RBFOX1: variants seen among roughly 807,000 people sequenced by gnomAD.
RBFOX1 encodes RNA binding fox-1 homolog 1.
A neutral mutation model predicts 57.7 loss-of-function variants in RBFOX1; 8 were observed. That is an observed-to-expected ratio of 0.14 (90% CI 0.08 to 0.25). RBFOX1 has a LOEUF of 0.25. RBFOX1 is among the 10% of genes least tolerant of loss of function. The probability of loss-of-function intolerance (pLI) is 1.00; values close to 1 mark genes in which losing one functional copy is unlikely to be tolerated. For missense variants in RBFOX1, 611 were observed against 548.5 expected, an observed-to-expected ratio of 1.11 and a Z score of -1.14; for synonymous variants, 326 against 222.4, an observed-to-expected ratio of 1.47 and a Z score of -4.15.
At chr16:6,765,165 T>C (rs1259913020) in intron 3 of RBFOX1, among the ~76,000 whole-genome samples, 1 of 152,060 alleles carries the variant, frequency 6.6e-6, no homozygotes, top group Non-Finnish European at 1.5e-5. Flanking sequence ...TTACCTTGCA[T>C]GAGGCTCTGA....
At chr16:6,912,344 T>C (rs1321949239) in intron 3 of RBFOX1, among the ~76,000 whole-genome samples, 2 of 152,100 alleles carry the variant, frequency 1.3e-5, no homozygotes, top group African/African-American at 4.8e-5. Flanking sequence ...TTTACACTTC[T>C]AGCAAGTTCC....
chr16:5,673,486 A>G (rs1433761744), intron 3 of RBFOX1, among the ~76,000 whole-genome samples: 1 of 152,146 alleles, frequency 6.6e-6, no homozygotes, highest in Non-Finnish European at 1.5e-5. Flanking sequence ...CTCACAGTCC[A>G]TTTCCATGTT....
chr16:5,924,328 C>G (rs1036313166), intron 4 of RBFOX1, among the ~76,000 whole-genome samples: 1 of 152,146 alleles, frequency 6.6e-6, no homozygotes, highest in Non-Finnish European at 1.5e-5. Context: ...CCCCTCCAAA[C>G]CTCATGTTAA....
At position 7,510,321 on chromosome 16, in the gene RBFOX1, G is replaced by C. The variant is rs531457430; in HGVS notation, c.28-7826G>C. Reference sequence around the variant, plus strand: ...GCAGGATGGTGCAGCAGGTATTTTTGTTTTTTTTTCCATTTAATCTTTCAC... The same window carrying C: ...GCAGGATGGTGCAGCAGGTATTTTTCTTTTTTTTTCCATTTAATCTTTCAC... On this transcript the variant is annotated intron_variant, in intron 4 of 15. Transcript: ENST00000550418. The C allele has an allele frequency of 1.6e-5, 16 of 979,440 alleles. No homozygotes were observed. In the South Asian group the frequency reaches 7.6e-4, roughly 46 times the overall value. The allele number at this position is 979,440 out of a possible 1,614,324, so 60.7% of individuals were successfully genotyped here. A position where few individuals can be genotyped will look rare whatever the true frequency, so the allele number is the denominator to read the frequency against.
At chr16:6,673,823 G>C (rs1018491371) in intron 3 of RBFOX1, among the ~76,000 whole-genome samples, 2 of 152,112 alleles carry the variant, frequency 1.3e-5, no homozygotes, top group African/African-American at 2.4e-5. Flanking sequence ...GACAGAGAAT[G>C]ATAGCCAAGA....
At chr16:6,752,362 C>T (rs962827848) in intron 3 of RBFOX1, among the ~76,000 whole-genome samples, 1 of 152,186 alleles carries the variant, frequency 6.6e-6, no homozygotes, top group African/African-American at 2.4e-5. Flanking sequence ...AATTAATATG[C>T]TGTGTCCATA....
intron 1 of RBFOX1, among the ~76,000 whole-genome samples, chr16:6,053,137 C>T (rs2095573682): frequency 6.6e-6 from 1 of 152,158 alleles, no homozygotes; most frequent in Non-Finnish European, 1.5e-5. Flanking sequence ...ACCTTACACA[C>T]AGTGAGGCCT....
chr16:5,856,202 T>TATATAC, intron 3 of RBFOX1, among the ~76,000 whole-genome samples: 1 of 45,234 alleles, frequency 2.2e-5, no homozygotes, highest in African/African-American at 6.5e-5. Context: ...TATATATATA[T>TATATAC]ATATACATAT....
At chr16:6,682,528 A>G (rs1056358625) in intron 3 of RBFOX1, among the ~76,000 whole-genome samples, 1 of 152,146 alleles carries the variant, frequency 6.6e-6, no homozygotes, top group African/African-American at 2.4e-5. Context: ...CAATCTTGGC[A>G]TTATTGGCAA....
chr16:6,809,981 C>T (rs141967216), intron 3 of RBFOX1, among the ~76,000 whole-genome samples: 2 of 150,834 alleles, frequency 1.3e-5, no homozygotes, highest in Non-Finnish European at 2.9e-5. Context: ...ACATCTAGAG[C>T]TTGTTCTCCT....
At chr16:7,018,248 G>A (rs182271216) in intron 3 of RBFOX1, among the ~76,000 whole-genome samples, 3 of 152,050 alleles carry the variant, frequency 2.0e-5, no homozygotes, top group Non-Finnish European at 4.4e-5. Flanking sequence ...TGCATTCTAG[G>A]TGTTTCCTCC....
intron 3 of RBFOX1, among the ~76,000 whole-genome samples, chr16:6,850,062 A>G (rs2093983142): frequency 6.6e-6 from 1 of 152,194 alleles, no homozygotes; most frequent in African/African-American, 2.4e-5. Flanking sequence ...GTGCATAGAT[A>G]CCTTCTTAAC....
intron 3 of RBFOX1, among the ~76,000 whole-genome samples, chr16:6,904,909 T>G (rs2069442791): frequency 6.6e-6 from 1 of 152,254 alleles, no homozygotes; most frequent in Non-Finnish European, 1.5e-5. Flanking sequence ...CTGTTCCCAA[T>G]TCCCTCAGAC....
At chr16:7,042,850 T>C (rs912503603) in intron 3 of RBFOX1, among the ~76,000 whole-genome samples, 3 of 152,138 alleles carry the variant, frequency 2.0e-5, no homozygotes, top group Admixed American at 6.5e-5. Flanking sequence ...CACTTGAACC[T>C]GGGAGGTGGA....
At chr16:6,587,667 G>A (rs935267404) in intron 2 of RBFOX1, among the ~76,000 whole-genome samples, 1 of 151,944 alleles carries the variant, frequency 6.6e-6, no homozygotes, top group African/African-American at 2.4e-5. Context: ...AATCTACTAG[G>A]GTAGAGGTTT....
chr16:7,254,253 C>G (rs1167143340), intron 4 of RBFOX1, among the ~76,000 whole-genome samples: 1 of 152,148 alleles, frequency 6.6e-6, no homozygotes, highest in East Asian at 1.9e-4. Context: ...GCAGCAAGGA[C>G]TCATAGTATT....
chr16:7,263,905 T>A (rs12597965), intron 4 of RBFOX1, among the ~76,000 whole-genome samples: 77,074 of 142,808 alleles, frequency 0.54, 20,986 homozygotes, highest in African/African-American at 0.65. Context: ...AGTCTCAAAA[T>A]ATATATATAT....
intron 4 of RBFOX1, among the ~76,000 whole-genome samples, chr16:7,057,329 C>G (rs571006067): frequency 5.9e-5 from 9 of 152,162 alleles, no homozygotes; most frequent in South Asian, 2.1e-4. Context: ...GCAACCAGGC[C>G]TCCCAGGAAT....
chr16:6,601,001 C>G (rs1425507357), intron 2 of RBFOX1, among the ~76,000 whole-genome samples: 1 of 151,948 alleles, frequency 6.6e-6, no homozygotes, highest in African/African-American at 2.4e-5. Flanking sequence ...TGCAGTTACT[C>G]CCTGAGAAAG....
Sources: gnomAD v4.1 joint callset for allele counts (sites outside exome capture counted in the v4.1 genomes callset) on GRCh38, gnomAD v4.1.1 for gene constraint, MANE v1.5 for transcripts, NCBI Gene and HGNC (gene_info 2026-07-23, HGNC 2026-07-21) for gene names.